Variants in ZNF41 observed in about 807,000 individuals in gnomAD.
The protein encoded by ZNF41 is zinc finger protein 41.
ZNF41 carries 6 observed loss-of-function variants against 9.3 expected under a neutral mutation model. The observed-to-expected ratio is 0.65, with a 90% CI of 0.35 to 1.28. ZNF41 has a LOEUF of 1.28. Ranked by LOEUF, ZNF41 falls within the 50% of genes most tolerant of loss-of-function variation. The pLI is 0.03. For synonymous variants in ZNF41, 192 were observed against 207.1 expected, an observed-to-expected ratio of 0.93 and a Z score of 0.63; for missense variants, 523 against 585.8, an observed-to-expected ratio of 0.89 and a Z score of 1.11.
In ZNF41 at chrX:47,448,909, A is replaced by T. The variant is rs756063246; in HGVS notation, c.861T>A (p.Phe287Leu). 7 of 1,211,742 alleles carry T rather than the reference A, an allele frequency of 5.8e-6. No individual in the cohort carries two copies. Among genetic ancestry groups the T allele is most frequent in the Non-Finnish European group, 6.7e-6 (6 of 895,516 alleles). Residue 287 changes from phenylalanine to leucine, a missense_variant, in exon 5 of 5, where the codon TTT (phenylalanine) becomes TTA (leucine). Coordinates refer to ENST00000684689, the MANE Select transcript of ZNF41 (RefSeq NM_001324144.2). ...VMGFTQKSHL[F>L]EHQRIHAGEK... ...CTCCAGCATGAATTCTCTGATGCTCAAACAGATGTGACTTCTGAGTGAAGC... is the reference window on the plus strand; with the variant it reads ...CTCCAGCATGAATTCTCTGATGCTCTAACAGATGTGACTTCTGAGTGAAGC...
intron 2 of ZNF41, among the ~76,000 whole-genome samples, chrX:47,466,926 A>C (rs2057010508): frequency 8.9e-6 from 1 of 111,779 alleles, no homozygotes. Context: ...ATTTTTCTCT[A>C]CCTAAATCAG....
intron 2 of ZNF41, among the ~76,000 whole-genome samples, chrX:47,459,282 G>C (rs751608156): frequency 6.4e-5 from 7 of 109,761 alleles, no homozygotes; most frequent in Non-Finnish European, 9.5e-5. Context: ...CCTGGAAGGC[G>C]GAGGTTGCAG....
Position 47,447,052 on chromosome X carries a change from T to A in ZNF41, c.*378A>T, listed in dbSNP as rs1179048783. 5.2e-6 allele frequency: 1 copy of A among 193,087 alleles called. No individual in the cohort carries two copies. Among genetic ancestry groups the A allele is most frequent in the Non-Finnish European group, 9.5e-6 (1 of 105,423 alleles). The allele number at this position is 193,087 out of a possible 1,213,427, so 15.9% of individuals were successfully genotyped here. On this transcript the variant is annotated 3_prime_UTR_variant, in exon 5 of 5. Coordinates refer to ENST00000684689, the MANE Select transcript of ZNF41 (RefSeq NM_001324144.2). ...TATGTCCCAGGATATGCTGAACCAA[T>A]CAGTACTGAATTTAAAAAGTTCTTT...
At chrX:47,464,259 CCT>C (rs1375835750) in intron 2 of ZNF41, among the ~76,000 whole-genome samples, 2 of 111,306 alleles carry the variant, frequency 1.8e-5, no homozygotes, top group Admixed American at 1.9e-4. Flanking sequence ...TGACTCATGT[CCT>C]GTTTGCTTCA....
At chrX:47,475,623 T>A (rs1569301487) in intron 1 of ZNF41, among the ~76,000 whole-genome samples, 1 of 111,532 alleles carries the variant, frequency 9.0e-6, no homozygotes, top group East Asian at 2.8e-4. Context: ...TCCTGGTGCT[T>A]ACCACAGGCT....
intron 2 of ZNF41, among the ~76,000 whole-genome samples, chrX:47,461,769 G>A (rs1014826357): frequency 4.5e-5 from 5 of 111,942 alleles, no homozygotes; most frequent in African/African-American, 6.5e-5. Context: ...ATGCAGTGGT[G>A]CAATCACGGC....
intron 2 of ZNF41, among the ~76,000 whole-genome samples, chrX:47,462,974 T>TACACAC (rs756873063): frequency 1.2e-4 from 12 of 100,954 alleles, no homozygotes; most frequent in Non-Finnish European, 2.4e-4. Flanking sequence ...CACATATGTG[T>TACACAC]ACACACACAC....
rs2056168079 is a variant in ZNF41 at position 47,447,667 on chromosome X, G to C, written c.2103C>G (p.Thr701=). 8.3e-7 allele frequency: 1 copy of C among 1,211,013 alleles called. No homozygotes were observed. Among genetic ancestry groups the C allele is most frequent in the South Asian group, 1.8e-5 (1 of 56,951 alleles). ...YECGDCGKTF[T]WKSRLNIHQK... is the part of the protein sequence containing the mutation. ...GATGTATATTGAGGCGTGACTTCCA[G>C]GTGAAGGTTTTCCCGCAGTCACCAC... is the stretch of plus-strand genomic sequence containing the variant. The change falls in exon 5 of 5, where the codon ACC becomes ACG. Residue 701 remains threonine (T), a synonymous_variant. Coordinates refer to ENST00000684689, the MANE Select transcript of ZNF41 (RefSeq NM_001324144.2).
chrX:47,450,002 C>T (rs1286044975), intron 4 of ZNF41, among the ~76,000 whole-genome samples: 3 of 111,440 alleles, frequency 2.7e-5, no homozygotes, highest in Non-Finnish European at 5.6e-5. Context: ...CTTTACTAAG[C>T]TCTCTGCTTC....
chrX:47,454,829 T>C (rs1486580241), intron 4 of ZNF41, among the ~76,000 whole-genome samples: 1 of 111,533 alleles, frequency 9.0e-6, no homozygotes, highest in East Asian at 2.8e-4. Context: ...ATAATAAAAA[T>C]ACATACTCAT....
chrX:47,448,665 C>T lies in ZNF41; in HGVS notation c.1105G>A (p.Asp369Asn). Residue 369 changes from aspartate (D) to asparagine (N), a missense_variant, in exon 5 of 5, where the codon GAC (aspartate) becomes AAC (asparagine). By Grantham distance (23) the Asp-to-Asn change is conservative. Coordinates refer to ENST00000684689, the MANE Select transcript of ZNF41 (RefSeq NM_001324144.2). ...ECGKAFFQRS[D>N]LFRHLRIHTG... ...TGAATTCTCAGATGTCTAAAGAGGT[C>T]TGATCTCTGGAAAAAGGCTTTTCCA... 1 of 1,211,602 alleles carries T rather than the reference C, an allele frequency of 8.3e-7. No individual in the cohort carries two copies. Among genetic ancestry groups the T allele is most frequent in the Non-Finnish European group, 1.1e-6 (1 of 895,533 alleles).
intron 1 of ZNF41, among the ~76,000 whole-genome samples, chrX:47,481,891 T>A (rs781664112): frequency 1.8e-5 from 2 of 110,356 alleles, no homozygotes; most frequent in African/African-American, 6.6e-5. Flanking sequence ...ACCAACAAAG[T>A]CAAAAGTAGG....
chrX:47,452,217 C>G (rs986765314), intron 4 of ZNF41, among the ~76,000 whole-genome samples: 1 of 110,999 alleles, frequency 9.0e-6, no homozygotes, highest in Admixed American at 9.7e-5. Flanking sequence ...GCGGTCTTCT[C>G]TAGAGCTCGG....
rs1418826386 is a variant in ZNF41, at chrX:47,453,888, A to G, written c.295+2033T>C. 3.6e-5 allele frequency among the ~76,000 whole-genome samples: 4 copies of G among 111,413 alleles called. No homozygotes were observed. The East Asian group carries it at 1.1e-3, about 31-fold the overall frequency. On this transcript the variant is annotated intron_variant, in intron 4 of 4. Transcript: ENST00000684689. ...GGAGATCGAGACCAGCCTGGCCAAC[A>G]TGGCAAAACCCCATCTCTACTAAAT...
At position 47,456,311 on chromosome X, in the gene ZNF41, C is replaced by G. The variant is rs369407023; in HGVS notation, c.160G>C (p.Asp54His). The change falls in exon 3 of 5, where the codon GAT becomes CAT. Residue 54 changes from aspartate (D) to histidine (H), a missense_variant. By Grantham distance (81) the Asp-to-His change is moderately conservative. Transcript: ENST00000684689. ...TGGCTGTAGTTCTCTAGTGTCACAT[C>G]CCAGTACAGGCGTCTCTGGGCAGGG... ...LDPAQRRLYW[D>H]VTLENYSHLL... 6.6e-6 allele frequency: 8 copies of G among 1,208,817 alleles called. No homozygotes were observed. The highest frequency in any genetic ancestry group is 2.3e-4 in the Middle Eastern group (1 of 4,370).
chrX:47,468,779 C>A (rs914109360), intron 1 of ZNF41, among the ~76,000 whole-genome samples: 3 of 111,352 alleles, frequency 2.7e-5, no homozygotes, highest in Non-Finnish European at 3.8e-5. Context: ...ACCTTAGCAC[C>A]CCAATCAATA....
Position 47,459,449 on chromosome X carries a change from A to G in ZNF41, c.73-3051T>C, listed in dbSNP as rs180854790. ...ATAGTGAGGAAAAATATTTTCAACA[A>G]ATGTTGCCAGGGCCTGGGCGTGGAG... On this transcript the variant is annotated intron_variant, in intron 2 of 4. Transcript: ENST00000684689. 2.7e-4 allele frequency among the ~76,000 whole-genome samples: 30 copies of G among 109,096 alleles called. No homozygotes were observed. The East Asian group carries it at 7.0e-3, about 25-fold the overall frequency. 94.7% of individuals were successfully genotyped at this position (109,096 alleles called of 115,157 possible).
chrX:47,451,257 C>CT (rs1332792284), intron 4 of ZNF41, among the ~76,000 whole-genome samples: 2 of 112,206 alleles, frequency 1.8e-5, no homozygotes, highest in Admixed American at 9.5e-5. Flanking sequence ...AAATCTCCTC[C>CT]TCTGCCTATA....
In ZNF41 at chrX:47,448,018, G is replaced by A. The variant is rs183604658; in HGVS notation, c.1752C>T (p.Cys584=). ...TTGATTTCTGGATGAAGGCTTTCCCGCAGTCCTTGCATTCATAGTGTCTCT... is the reference window on the plus strand; with the variant it reads ...TTGATTTCTGGATGAAGGCTTTCCCACAGTCCTTGCATTCATAGTGTCTCT... The part of the protein sequence containing the change: ...IGERHYECKD[C]GKAFIQKSTL... Residue 584 remains cysteine, a synonymous_variant, in exon 5 of 5, where the codon TGC becomes TGT. Coordinates refer to ENST00000684689, the MANE Select transcript of ZNF41 (RefSeq NM_001324144.2). 2.5e-6 allele frequency: 3 copies of A among 1,208,977 alleles called. No homozygotes were observed. The highest frequency in any genetic ancestry group is 3.4e-6 in the Non-Finnish European group (3 of 894,862).
Sources: allele counts gnomAD v4.1 joint callset (sites outside exome capture counted in the v4.1 genomes callset), GRCh38; gene constraint gnomAD v4.1.1; transcripts MANE v1.5; gene names NCBI Gene and HGNC (gene_info 2026-07-23, HGNC 2026-07-21).